The following VAV3 variants were observed in gnomAD, a reference collection of about 807,000 sequenced individuals.
VAV3 encodes guanine nucleotide exchange factor VAV3.
A neutral mutation model predicts 131.2 loss-of-function variants in VAV3; 94 were observed. The ratio of observed to expected loss-of-function variants is 0.72; its 90% CI spans 0.61 to 0.85. VAV3 has a LOEUF of 0.85. Ranked by LOEUF, VAV3 falls within the 40% of genes least tolerant of loss-of-function variation. The probability of loss-of-function intolerance (pLI) is 0.00; values close to 1 mark genes in which losing one functional copy is unlikely to be tolerated. For missense variants in VAV3, 939 were observed against 1,002.7 expected, an observed-to-expected ratio of 0.94 and a Z score of 0.86; for synonymous variants, 349 against 342.0, an observed-to-expected ratio of 1.02 and a Z score of -0.22.
chr1:107,649,767 A>C (rs1014358520), intron 19 of VAV3, among the ~76,000 whole-genome samples: 2 of 152,046 alleles, frequency 1.3e-5, no homozygotes, highest in Non-Finnish European at 2.9e-5. Flanking sequence ...GGGTTCATTC[A>C]CTTATTCAGC....
intron 20 of VAV3, among the ~76,000 whole-genome samples, chr1:107,636,556 T>C (rs890755879): frequency 1.3e-5 from 2 of 152,168 alleles, no homozygotes; most frequent in African/African-American, 4.8e-5. Flanking sequence ...CTCAAAATAA[T>C]TATATTAGCC....
intron 10 of VAV3, among the ~76,000 whole-genome samples, chr1:107,757,848 T>C (rs1458320838): frequency 6.6e-6 from 1 of 152,192 alleles, no homozygotes; most frequent in Non-Finnish European, 1.5e-5. Context: ...GTTTTCACCC[T>C]AGTCCTCTTT....
intron 1 of VAV3, among the ~76,000 whole-genome samples, chr1:107,958,801 C>T (rs1055812339): frequency 6.6e-6 from 1 of 152,068 alleles, no homozygotes; most frequent in Non-Finnish European, 1.5e-5. Context: ...CGACAGGCCC[C>T]GGTGTGTGAT....
intron 2 of VAV3, among the ~76,000 whole-genome samples, chr1:107,825,870 C>T (rs1467433280): frequency 2.6e-5 from 4 of 152,144 alleles, no homozygotes; most frequent in African/African-American, 9.7e-5. Context: ...AAGACACTTA[C>T]CAAATACTGC....
intron 20 of VAV3, among the ~76,000 whole-genome samples, chr1:107,633,147 C>T (rs1654631154): frequency 6.6e-6 from 1 of 151,784 alleles, no homozygotes; most frequent in Non-Finnish European, 1.5e-5. Context: ...TAATTGAAAG[C>T]ACCATCTAAA....
intron 17 of VAV3, among the ~76,000 whole-genome samples, chr1:107,702,740 C>CTTTGGTGCTCCTTA (rs1416987300): frequency 6.6e-6 from 1 of 151,506 alleles, no homozygotes; most frequent in East Asian, 1.9e-4. Flanking sequence ...CGTTCCCATC[C>CTTTGGTGCTCCTTA]ACGTGTACTC....
At chr1:107,650,062 C>T (rs992148134) in intron 19 of VAV3, among the ~76,000 whole-genome samples, 3 of 151,994 alleles carry the variant, frequency 2.0e-5, no homozygotes, top group Non-Finnish European at 2.9e-5. Flanking sequence ...AGACAGTAGG[C>T]ATTTGGGAGG....
chr1:107,875,674 T>A (rs1296420189), intron 1 of VAV3, among the ~76,000 whole-genome samples: 1 of 151,976 alleles, frequency 6.6e-6, no homozygotes, highest in Non-Finnish European at 1.5e-5. Flanking sequence ...ATATGGGAGG[T>A]CATTGGAGGC....
intron 15 of VAV3, among the ~76,000 whole-genome samples, chr1:107,747,955 T>A (rs997062280): frequency 2.6e-5 from 4 of 152,098 alleles, no homozygotes; most frequent in Non-Finnish European, 4.4e-5. Flanking sequence ...GAAAAAAAAT[T>A]GATAGAATTT....
chr1:107,925,899 GAT>G (rs1491398465), intron 1 of VAV3, among the ~76,000 whole-genome samples: 4 of 96,098 alleles, frequency 4.2e-5, no homozygotes, highest in African/African-American at 1.5e-4. Context: ...TAACATATAT[GAT>G]ATATATGTTA....
chr1:107,839,595 A>G (rs904059362), intron 2 of VAV3, among the ~76,000 whole-genome samples: 22 of 152,102 alleles, frequency 1.4e-4, no homozygotes, highest in African/African-American at 4.6e-4. Flanking sequence ...AAAATTAATA[A>G]TCTAAAGCTT....
intron 15 of VAV3, among the ~76,000 whole-genome samples, chr1:107,739,679 CA>C (rs1447818561): frequency 6.6e-6 from 1 of 152,182 alleles, no homozygotes; most frequent in Non-Finnish European, 1.5e-5. Context: ...AAAGGGCTGA[CA>C]AATATACAGA....
chr1:107,899,259 G>C (rs868374364), intron 1 of VAV3, among the ~76,000 whole-genome samples: 34 of 152,178 alleles, frequency 2.2e-4, no homozygotes, highest in African/African-American at 7.9e-4. Flanking sequence ...AGAGTGTCAA[G>C]GGCACAGTCA....
intron 2 of VAV3, among the ~76,000 whole-genome samples, chr1:107,838,768 A>G (rs116521986): frequency 0.034 from 5,170 of 152,264 alleles, 180 homozygotes; most frequent in African/African-American, 0.09. Context: ...CAGCCCTAAA[A>G]TAAAAAGAAT....
At chr1:107,857,417 T>C (rs1294258967) in intron 2 of VAV3, among the ~76,000 whole-genome samples, 1 of 152,188 alleles carries the variant, frequency 6.6e-6, no homozygotes, top group Admixed American at 6.5e-5. Flanking sequence ...AATTCTCATA[T>C]ATATGATATA....
rs1665121918 is a variant in VAV3, at chr1:107,772,783, A to C, written c.507T>G (p.Gly169=). The change falls in exon 5 of 27, where the codon GGT becomes GGG. Residue 169 remains glycine, a synonymous_variant. Transcript: ENST00000370056. ...LYDCVYGEDE[G]GEVYEDLMKA... The stretch of plus-strand genomic sequence containing the variant: ...TCATTAAGTCCTCATAGACTTCTCC[A>C]CCTTCATCTTCCCCATAAACACAGT... 4 of 1,613,858 alleles carry C rather than the reference A, an allele frequency of 2.5e-6. No individual in the cohort carries two copies. The highest frequency in any genetic ancestry group is 3.4e-6 in the Non-Finnish European group (4 of 1,179,886).
intron 21 of VAV3, among the ~76,000 whole-genome samples, chr1:107,614,874 C>G (rs1653026029): frequency 6.6e-6 from 1 of 152,096 alleles, no homozygotes; most frequent in Non-Finnish European, 1.5e-5. Context: ...ATGGTACATT[C>G]AATGCTTAAT....
At chr1:107,964,518 A>C in intron 1 of VAV3, 148 bp downstream of exon 1, 1 of 838,320 alleles carries the variant, frequency 1.2e-6, no homozygotes, top group Non-Finnish European at 1.8e-6. Flanking sequence ...GGAAACGCCA[A>C]AGTGGTGCCG....
At chr1:107,603,202 C>T in intron 22 of VAV3, 39 bp from the exon 23 acceptor site, 1 of 1,498,134 alleles carries the variant, frequency 6.7e-7, no homozygotes, top group Non-Finnish European at 9.3e-7. Context: ...GGATAATATA[C>T]CTGGAAGAGA....
Sources: allele counts gnomAD v4.1 joint callset (sites outside exome capture counted in the v4.1 genomes callset), GRCh38; gene constraint gnomAD v4.1.1; transcripts MANE v1.5; gene names NCBI Gene and HGNC (gene_info 2026-07-23, HGNC 2026-07-21).